KRT71: variants seen among roughly 807,000 people sequenced by gnomAD.
KRT71 encodes the protein keratin, type II cytoskeletal 71.
Under a neutral mutation model 46.2 loss-of-function variants are expected in KRT71, and 42 were observed. That is an observed-to-expected ratio of 0.91 (90% CI 0.71 to 1.18). The LOEUF is 1.18. KRT71 is among the 50% of genes most tolerant of loss of function. The probability of loss-of-function intolerance (pLI) is 0.00; values close to 1 mark genes in which losing one functional copy is unlikely to be tolerated. For synonymous variants in KRT71, 292 were observed against 277.8 expected (o/e 1.05, Z -0.51); for missense variants, 708 against 677.9 (o/e 1.04, Z -0.49).
Position 52,548,210 on chromosome 12 carries a change from T to G in KRT71, c.920A>C (p.Gln307Pro). ...LDSIIDEVRT[Q>P]YEEIALKSKA... ...ACTCTTCAAGGCAATCTCCTCATAC[T>G]GGGTGCGGACTTCGTCAATGATGCT... Residue 307 changes from glutamine (Q) to proline (P), a missense_variant, in exon 5 of 9, where the codon CAG becomes CCG. By Grantham distance (76) the Gln-to-Pro change is moderately conservative. Coordinates refer to ENST00000267119, the MANE Select transcript of KRT71 (RefSeq NM_033448.3). 6.2e-7 allele frequency: 1 copy of G among 1,614,196 alleles called. No homozygotes were observed. The highest frequency in any genetic ancestry group is 8.5e-7 in the Non-Finnish European group (1 of 1,180,022).
At chr12:52,551,676 A>G (rs529978404) in intron 1 of KRT71, among the ~76,000 whole-genome samples, 1 of 152,272 alleles carries the variant, frequency 6.6e-6, no homozygotes, top group East Asian at 1.9e-4. Flanking sequence ...AGAACCCTCC[A>G]GTCTCCTCCT....
In KRT71 at chr12:52,549,313, C is replaced by G. The variant is rs190266577; in HGVS notation, c.697G>C (p.Glu233Gln). ...CTCACCTTCTTGAGCAGCACAAACTCGTTCTCTGCTGCTGTCCGCTTGTTG... is the reference window on the plus strand; with the variant it reads ...CTCACCTTCTTGAGCAGCACAAACTGGTTCTCTGCTGCTGTCCGCTTGTTG... ...EINKRTAAEN[E>Q]FVLLKKDVDA... Residue 233 changes from glutamate to glutamine, a missense_variant, in exon 3 of 9, where the codon GAG (glutamate) becomes CAG (glutamine). Physicochemically the swap from Glu to Gln is conservative, Grantham distance 29. Coordinates refer to ENST00000267119, the MANE Select transcript of KRT71 (RefSeq NM_033448.3). 25 of 1,613,950 alleles carry G rather than the reference C, an allele frequency of 1.5e-5. No individual in the cohort carries two copies. In the East Asian group the frequency reaches 5.3e-4, roughly 35 times the overall value.
chr12:52,549,522 C>T (rs1939124849), intron 2 of KRT71, among the ~76,000 whole-genome samples, 169 bp from the exon 3 acceptor site: 1 of 152,160 alleles, frequency 6.6e-6, no homozygotes, highest in South Asian at 2.1e-4. Flanking sequence ...AGGGAACATG[C>T]TAACCAGTTT....
chr12:52,547,757 C>T, intron 6 of KRT71, 100 bp downstream of exon 6: 1 of 1,456,344 alleles, frequency 6.9e-7, no homozygotes, highest in Admixed American at 1.9e-5. Flanking sequence ...CTCTCTTCTC[C>T]CAGGCAGCGA....
chr12:52,544,763 C>A lies in KRT71; in HGVS notation c.1361-20G>T, dbSNP rs1403296907. On this transcript the variant is annotated intron_variant, in intron 8 of 8. Coordinates refer to ENST00000267119, the MANE Select transcript of KRT71 (RefSeq NM_033448.3). Reference sequence around the variant, plus strand: ...TGATGGCTGCAGGAGGAGCCGAAGCCAACACCCACTCAGGCAGAGAGCTGG... The same window carrying A: ...TGATGGCTGCAGGAGGAGCCGAAGCAAACACCCACTCAGGCAGAGAGCTGG... The A allele has an allele frequency of 9.4e-6, 15 of 1,592,538 alleles. No individual in the cohort carries two copies. Among genetic ancestry groups the A allele is most frequent in the Middle Eastern group, 3.9e-4 (2 of 5,110 alleles).
chr12:52,548,271 G>C lies in KRT71; in HGVS notation c.859C>G (p.Leu287Val). ...AGGTTCCGGTTGTTGTCCATGGACA[G>C]GATGACAGACATGTCACTGATGTGG... Reference protein sequence around the residue: ...QSHISDMSVILSMDNNRNLDL... With the variant: ...QSHISDMSVIVSMDNNRNLDL... The change falls in exon 5 of 9, where the codon CTG becomes GTG. Residue 287 changes from leucine (L) to valine (V), a missense_variant. Transcript: ENST00000267119. 6.2e-7 allele frequency: 1 copy of C among 1,614,094 alleles called. No individual in the cohort carries two copies.
intron 4 of KRT71, 53 bp downstream of exon 4, chr12:52,548,648 G>A: frequency 6.7e-7 from 1 of 1,500,580 alleles, no homozygotes; most frequent in Non-Finnish European, 9.3e-7. Flanking sequence ...CCCTAGAATA[G>A]AGTTTAACCC....
rs566564429 is a variant in KRT71 at position 52,546,373 on chromosome 12, C to T, written c.1238G>A (p.Arg413His). The change falls in exon 7 of 9, where the codon CGC becomes CAC. Residue 413 changes from arginine to histidine, a missense_variant. Coordinates refer to ENST00000267119, the MANE Select transcript of KRT71 (RefSeq NM_033448.3). ...QAKEELARMLREYQELMSLKL... is the reference protein window; with the variant it reads ...QAKEELARMLHEYQELMSLKL... ...CAGGCTCATGAGCTCCTGGTACTCG[C>T]GCAGCATCCGCGCCAGCTCCTCCTT... is the stretch of plus-strand genomic sequence containing the variant. 9.4e-5 allele frequency: 151 copies of T among 1,614,202 alleles called. No individual in the cohort carries two copies. Among genetic ancestry groups the T allele is most frequent in the South Asian group, 3.1e-4 (28 of 91,088 alleles).
chr12:52,545,090 T>C (rs1939037225), intron 8 of KRT71, among the ~76,000 whole-genome samples: 1 of 152,192 alleles, frequency 6.6e-6, no homozygotes, highest in Admixed American at 6.5e-5. Context: ...CTGCTAGCTG[T>C]CCCACAGCAG....
chr12:52,545,534 C>T (rs754170487), intron 8 of KRT71, 31 bp downstream of exon 8: 5 of 1,454,652 alleles, frequency 3.4e-6, no homozygotes, highest in Middle Eastern at 1.7e-4. Context: ...GCAGATTTTA[C>T]AATTTTAGGT....
chr12:52,546,196 T>G, intron 7 of KRT71, 90 bp downstream of exon 7: 1 of 1,368,692 alleles, frequency 7.3e-7, no homozygotes, highest in Non-Finnish European at 1.0e-6. Flanking sequence ...TCCTAAGAAC[T>G]CATCTCTTCT....
chr12:52,546,002 A>G (rs1157539629), intron 7 of KRT71, among the ~76,000 whole-genome samples: 1 of 151,754 alleles, frequency 6.6e-6, no homozygotes, highest in Non-Finnish European at 1.5e-5. Flanking sequence ...GGGGTTTTGC[A>G]GGGAGCAGGG....
chr12:52,546,944 C>A (rs538882074), intron 6 of KRT71, among the ~76,000 whole-genome samples: 1 of 152,178 alleles, frequency 6.6e-6, no homozygotes, highest in Non-Finnish European at 1.5e-5. Context: ...CGGGAGCAAC[C>A]GTTATTTGCC....
At chr12:52,545,408 G>A (rs147544464) in intron 8 of KRT71, among the ~76,000 whole-genome samples, 157 bp downstream of exon 8, 1 of 152,188 alleles carries the variant, frequency 6.6e-6, no homozygotes, top group Non-Finnish European at 1.5e-5. Flanking sequence ...CAGGAAAGCC[G>A]ATTTTGGCCA....
rs1259597408 is a variant in KRT71 at position 52,550,229 on chromosome 12, C to A, written c.456G>T (p.Glu152Asp). ...TGGTCTCCAGTACCTGGTTCTGCTG[C>A]TCCAGGAACCGCACCTGGAACCCAG... ...ASFIDKVRFL[E>D]QQNQVLETKW... is the part of the protein sequence containing the mutation. Residue 152 changes from glutamate to aspartate, a missense_variant, in exon 2 of 9, where the codon GAG becomes GAT. Transcript: ENST00000267119. 6.2e-7 allele frequency: 1 copy of A among 1,614,148 alleles called. No individual in the cohort carries two copies.
chr12:52,548,884 G>A (rs1485955843), intron 3 of KRT71, 88 bp from the exon 4 acceptor site: 2 of 1,122,474 alleles, frequency 1.8e-6, no homozygotes, highest in Non-Finnish European at 2.7e-6. Flanking sequence ...GAGTGAAGAA[G>A]GAGTCACTCT....
At chr12:52,551,715 C>T (rs1277160396) in intron 1 of KRT71, among the ~76,000 whole-genome samples, 1 of 152,180 alleles carries the variant, frequency 6.6e-6, no homozygotes, top group East Asian at 1.9e-4. Context: ...GGCTGAGGGT[C>T]CAGCCTCACC....
rs147835463 is a variant in KRT71 at position 52,544,598 on chromosome 12, G to A, written c.1506C>T (p.Asn502=). The A allele has an allele frequency of 2.7e-5, 44 of 1,613,940 alleles. No homozygotes were observed. Among genetic ancestry groups the A allele is most frequent in the East Asian group, 1.3e-4 (6 of 44,896 alleles). ...GGEGRSRGSA[N]DYKDTLGKGS... is the part of the protein sequence containing the mutation. ...CCTTCCCTAGGGTGTCTTTGTAATCGTTGGCACTGCCCCGGCTCCTGCCCT... is the reference window on the plus strand; with the variant it reads ...CCTTCCCTAGGGTGTCTTTGTAATCATTGGCACTGCCCCGGCTCCTGCCCT... Residue 502 remains asparagine, a synonymous_variant, in exon 9 of 9, where the codon AAC becomes AAT. Coordinates refer to ENST00000267119, the MANE Select transcript of KRT71 (RefSeq NM_033448.3).
chr12:52,550,956 A>T (rs10506308), intron 1 of KRT71, among the ~76,000 whole-genome samples: 30,477 of 152,206 alleles, frequency 0.2, 3,285 homozygotes, highest in East Asian at 0.29. Context: ...CTACTGCTTG[A>T]ATAAGGTTGT....
Sources: allele counts gnomAD v4.1 joint callset (sites outside exome capture counted in the v4.1 genomes callset), GRCh38; gene constraint gnomAD v4.1.1; transcripts MANE v1.5; gene names NCBI Gene and HGNC (gene_info 2026-07-23, HGNC 2026-07-21).